GRM7: variants seen among roughly 807,000 people sequenced by gnomAD.
The protein encoded by GRM7 is metabotropic glutamate receptor 7.
GRM7 carries 35 observed loss-of-function variants against 84.5 expected under a neutral mutation model. The observed-to-expected ratio is 0.41, with a 90% CI of 0.32 to 0.55. GRM7 has a LOEUF of 0.55. Ranked by LOEUF, GRM7 falls within the 20% of genes least tolerant of loss-of-function variation. GRM7 has a pLI of 0.19. For missense variants in GRM7, 1,003 were observed against 1,194.6 expected (o/e 0.84, Z 2.36); for synonymous variants, 487 against 455.1 (o/e 1.07, Z -0.89).
chr3:7,678,159 C>T (rs956340039), intron 8 of GRM7, among the ~76,000 whole-genome samples: 1 of 152,074 alleles, frequency 6.6e-6, no homozygotes, highest in African/African-American at 2.4e-5. Flanking sequence ...TACCCCAAAC[C>T]TCAGCATCAT....
chr3:7,360,314 CTT>C (rs1330240423), intron 4 of GRM7, among the ~76,000 whole-genome samples: 5 of 144,032 alleles, frequency 3.5e-5, no homozygotes, highest in East Asian at 3.9e-4. Context: ...TTTAAAAAGT[CTT>C]TTTTAATTTG....
chr3:6,973,667 G>A (rs74690827), intron 1 of GRM7, among the ~76,000 whole-genome samples: 1,821 of 152,282 alleles, frequency 0.012, 32 homozygotes, highest in African/African-American at 0.04. Flanking sequence ...GAGACTTACT[G>A]CAGGAGGAAC....
At chr3:7,665,623 CTG>C (rs1699667807) in intron 8 of GRM7, among the ~76,000 whole-genome samples, 1 of 152,006 alleles carries the variant, frequency 6.6e-6, no homozygotes, top group African/African-American at 2.4e-5. Flanking sequence ...GCAATTAAAA[CTG>C]TGGAGAATGA....
chr3:7,360,376 G>A (rs1478104594), intron 4 of GRM7, among the ~76,000 whole-genome samples: 1 of 150,558 alleles, frequency 6.6e-6, no homozygotes, highest in Non-Finnish European at 1.5e-5. Context: ...TCATAAAAAC[G>A]TATTCTCTAA....
At chr3:7,604,983 C>G (rs1575545933) in intron 8 of GRM7, among the ~76,000 whole-genome samples, 1 of 152,218 alleles carries the variant, frequency 6.6e-6, no homozygotes, top group Non-Finnish European at 1.5e-5. Flanking sequence ...ATAAATATTG[C>G]AAACAAATAA....
intron 7 of GRM7, among the ~76,000 whole-genome samples, chr3:7,468,702 T>G (rs1353632071): frequency 1.3e-5 from 2 of 152,138 alleles, no homozygotes; most frequent in Non-Finnish European, 2.9e-5. Flanking sequence ...GGGAGGTGAT[T>G]GGGTCATTGG....
chr3:7,334,187 G>A (rs1462130235), intron 4 of GRM7, among the ~76,000 whole-genome samples: 1 of 152,060 alleles, frequency 6.6e-6, no homozygotes, highest in Non-Finnish European at 1.5e-5. Context: ...ATAAAGGAAA[G>A]CATCTTAAGG....
chr3:7,168,145 C>A (rs939731892), intron 2 of GRM7, among the ~76,000 whole-genome samples: 3 of 152,058 alleles, frequency 2.0e-5, no homozygotes, highest in African/African-American at 7.2e-5. Flanking sequence ...TCACATTCCA[C>A]CCCTTTAGTT....
intron 4 of GRM7, among the ~76,000 whole-genome samples, chr3:7,383,058 C>G (rs1694651262): frequency 6.6e-6 from 1 of 151,562 alleles, no homozygotes; most frequent in African/African-American, 2.4e-5. Context: ...TCCTGAATAT[C>G]CTTACAACCC....
intron 5 of GRM7, among the ~76,000 whole-genome samples, chr3:7,442,912 A>G (rs1412836768): frequency 6.6e-6 from 1 of 152,108 alleles, no homozygotes; most frequent in African/African-American, 2.4e-5. Context: ...TGTCTGGTAC[A>G]TGGTAGATAT....
At chr3:7,141,173 T>A (rs1035917540) in intron 1 of GRM7, among the ~76,000 whole-genome samples, 2 of 151,950 alleles carry the variant, frequency 1.3e-5, no homozygotes. Flanking sequence ...ACTAACTGAA[T>A]CATTATAACT....
chr3:7,544,375 C>CA lies in GRM7; in HGVS notation c.1516-34044dup, dbSNP rs1693037012. On this transcript the variant is annotated intron_variant, in intron 7 of 9. Coordinates refer to ENST00000357716, the MANE Select transcript of GRM7 (RefSeq NM_000844.4). ...GAGGTCTTGCTATGTTATCTAGTCT[C>CA]AAATTCCTGGCTTCAAGTCATCCTC... is the stretch of plus-strand genomic sequence containing the variant. 3.3e-5 allele frequency among the ~76,000 whole-genome samples: 5 copies of CA among 152,232 alleles called. No homozygotes were observed. The South Asian group carries it at 1.0e-3, about 32-fold the overall frequency.
At chr3:6,937,402 G>A (rs1196805723) in intron 1 of GRM7, among the ~76,000 whole-genome samples, 1 of 152,052 alleles carries the variant, frequency 6.6e-6, no homozygotes, top group Non-Finnish European at 1.5e-5. Context: ...GATTTCCTGT[G>A]CTTAGAGAAA....
intron 8 of GRM7, among the ~76,000 whole-genome samples, chr3:7,652,874 A>G (rs1379633138): frequency 1.3e-5 from 2 of 152,188 alleles, no homozygotes; most frequent in Non-Finnish European, 2.9e-5. Context: ...GACCAGGGCT[A>G]AGTATGTAGC....
At chr3:7,082,421 C>CT (rs1698305005) in intron 1 of GRM7, among the ~76,000 whole-genome samples, 1 of 152,098 alleles carries the variant, frequency 6.6e-6, no homozygotes, top group Non-Finnish European at 1.5e-5. Flanking sequence ...AAAAAGATTA[C>CT]TTTCAAGACA....
intron 7 of GRM7, among the ~76,000 whole-genome samples, chr3:7,501,058 T>C (rs1037991479): frequency 1.3e-5 from 2 of 152,216 alleles, no homozygotes; most frequent in African/African-American, 4.8e-5. Flanking sequence ...AGTAAAAAGA[T>C]AACTAATGTA....
At chr3:7,203,294 G>C (rs181286547) in intron 2 of GRM7, among the ~76,000 whole-genome samples, 2 of 152,028 alleles carry the variant, frequency 1.3e-5, no homozygotes, top group African/African-American at 4.8e-5. Context: ...TCACATATGC[G>C]TGAGAATATG....
chr3:7,215,305 C>G (rs986404693), intron 2 of GRM7, among the ~76,000 whole-genome samples: 1 of 152,126 alleles, frequency 6.6e-6, no homozygotes, highest in Non-Finnish European at 1.5e-5. Flanking sequence ...TACTTCATGA[C>G]TTGAGTAAAT....
chr3:7,547,211 T>G lies in GRM7; in HGVS notation c.1516-31211T>G, dbSNP rs571898316. Among the ~76,000 whole-genome samples the G allele has an allele frequency of 6.8e-3, 942 of 139,230 alleles. 24 individuals carry two copies. Among genetic ancestry groups the G allele is most frequent in the Non-Finnish European group, 9.5e-3 (615 of 64,718 alleles). 91.3% of individuals were successfully genotyped at this position (139,230 alleles called of 152,430 possible). ...AGTGAATTCTTTTTTTTTTTTTTTT[T>G]TTTTTTTTTTTTTGAGACGGAGTCT... On this transcript the variant is annotated intron_variant, in intron 7 of 9. Coordinates refer to ENST00000357716, the MANE Select transcript of GRM7 (RefSeq NM_000844.4).
Sources: gnomAD v4.1 joint callset for allele counts (sites outside exome capture counted in the v4.1 genomes callset) on GRCh38, gnomAD v4.1.1 for gene constraint, MANE v1.5 for transcripts, NCBI Gene and HGNC (gene_info 2026-07-23, HGNC 2026-07-21) for gene names.